TENM2: variants seen among roughly 807,000 people sequenced by gnomAD.
The protein encoded by TENM2 is teneurin-2.
TENM2 carries 52 observed loss-of-function variants against 245.2 expected under a neutral mutation model. That is an observed-to-expected ratio of 0.21 (90% CI 0.17 to 0.27). The LOEUF (loss-of-function observed/expected upper bound fraction) is 0.27, where lower values mean the gene tolerates loss of function less well. Ranked by LOEUF, TENM2 falls within the 10% of genes least tolerant of loss-of-function variation. The pLI, the probability that TENM2 is intolerant of heterozygous loss-of-function variation, is 1.00. For missense variants in TENM2, 3,046 were observed against 3,666.8 expected, an observed-to-expected ratio of 0.83 and a Z score of 4.37; for synonymous variants, 1,363 against 1,438.9, an observed-to-expected ratio of 0.95 and a Z score of 1.19.
chr5:167,993,204 C>A, intron 5 of TENM2, 22 bp downstream of exon 7: 1 of 1,591,222 alleles, frequency 6.3e-7, no homozygotes, highest in Non-Finnish European at 8.6e-7. Flanking sequence ...CAGCCTTATT[C>A]AGCAACGCTG....
the TENM2 span, among the ~76,000 whole-genome samples, chr5:167,150,685 T>C: frequency 6.6e-6 from 1 of 152,210 alleles, no homozygotes; most frequent in South Asian, 2.1e-4. Flanking sequence ...TGTCCAAGGT[T>C]CTACATCTTA....
chr5:167,802,503 C>A (rs1204020201), intron 2 of TENM2, among the ~76,000 whole-genome samples: 1 of 152,132 alleles, frequency 6.6e-6, no homozygotes, highest in Non-Finnish European at 1.5e-5. Context: ...GGTCACATTT[C>A]TAAATAATGT....
intron 2 of TENM2, among the ~76,000 whole-genome samples, chr5:167,410,329 C>T (rs1335549201): frequency 6.6e-6 from 1 of 152,026 alleles, no homozygotes. Context: ...CCTTATCTTT[C>T]AAAATATGGT....
chr5:168,090,088 A>T (rs1792792902), intron 7 of TENM2, among the ~76,000 whole-genome samples: 1 of 152,062 alleles, frequency 6.6e-6, no homozygotes, highest in African/African-American at 2.4e-5. Context: ...CCTTATCTGA[A>T]ACTCTCAGGA....
intron 2 of TENM2, among the ~76,000 whole-genome samples, chr5:167,441,820 A>G (rs1764896670): frequency 6.6e-6 from 1 of 152,166 alleles, no homozygotes; most frequent in Non-Finnish European, 1.5e-5. Flanking sequence ...GATGATGGGT[A>G]AGGCAGTGTA....
At chr5:167,110,678 C>T in the TENM2 span, among the ~76,000 whole-genome samples, 11 of 152,324 alleles carry the variant, frequency 7.2e-5, no homozygotes, top group South Asian at 2.1e-3. Flanking sequence ...CCAGCTTCAT[C>T]GCCTTGGACA....
the TENM2 span, among the ~76,000 whole-genome samples, chr5:167,041,319 T>A: frequency 1.3e-5 from 2 of 152,182 alleles, no homozygotes; most frequent in Non-Finnish European, 2.9e-5. Flanking sequence ...AGGCCGTAAT[T>A]TACGCAACCA....
At chr5:168,076,827 G>A (rs1791518300) in intron 7 of TENM2, among the ~76,000 whole-genome samples, 1 of 152,212 alleles carries the variant, frequency 6.6e-6, no homozygotes, top group Non-Finnish European at 1.5e-5. Context: ...GGGCTCCCCT[G>A]CCCATCAGAG....
In TENM2 at chr5:167,329,551, C is replaced by CAAAAAAAAA. The variant is rs34165505; in HGVS notation, c.226+44509_226+44517dup. ...TGTGTGACAGGGCCAGACTCAGTCT[C>CAAAAAAAAA]AAAAAAAAAAAAAAAAAAAAAAAAA... is the stretch of plus-strand genomic sequence containing the variant. On this transcript the variant is annotated intron_variant, in intron 1 of 28. Transcript: ENST00000518659. 3.6e-4 allele frequency among the ~76,000 whole-genome samples: 8 copies of CAAAAAAAAA among 21,944 alleles called. 1 individual carries two copies. The highest frequency in any genetic ancestry group is 4.7e-4 in the Non-Finnish European group (6 of 12,750). The allele number at this position is 21,944 out of a possible 152,430, so 14.4% of individuals were successfully genotyped here. A position where few individuals can be genotyped will look rare whatever the true frequency, so the allele number is the denominator to read the frequency against.
At chr5:168,009,815 G>C (rs572476190) in intron 5 of TENM2, among the ~76,000 whole-genome samples, 16 of 152,322 alleles carry the variant, frequency 1.1e-4, no homozygotes, top group Admixed American at 7.2e-4. Context: ...TTCTGCTGCA[G>C]AGTGGCAGGA....
chr5:167,288,189 C>T (rs1356994632), intron 1 of TENM2, among the ~76,000 whole-genome samples: 1 of 152,174 alleles, frequency 6.6e-6, no homozygotes, highest in Non-Finnish European at 1.5e-5. Flanking sequence ...CTCTGCTCTG[C>T]ATTCTGTGTT....
At chr5:167,536,286 TA>T (rs375058324) in intron 2 of TENM2, among the ~76,000 whole-genome samples, 3 of 150,108 alleles carry the variant, frequency 2.0e-5, no homozygotes, top group East Asian at 3.9e-4. Context: ...AGGAAAACTC[TA>T]AAAAAAAAGA....
At chr5:167,990,912 G>C (rs1171351564) in intron 4 of TENM2, among the ~76,000 whole-genome samples, 1 of 152,190 alleles carries the variant, frequency 6.6e-6, no homozygotes, top group Non-Finnish European at 1.5e-5. Context: ...AGCCCACTGG[G>C]AAAGCCTGCT....
At chr5:167,350,646 G>A (rs111208024) in intron 1 of TENM2, among the ~76,000 whole-genome samples, 21,639 of 119,362 alleles carry the variant, frequency 0.18, 3,188 homozygotes, top group Admixed American at 0.33. Flanking sequence ...TATGGGATAC[G>A]TATATGGATA....
chr5:167,003,990 G>A, the TENM2 span, among the ~76,000 whole-genome samples: 20 of 152,128 alleles, frequency 1.3e-4, no homozygotes, highest in African/African-American at 4.1e-4. Flanking sequence ...CCATGATTCC[G>A]AGTCAATTCC....
At chr5:167,255,917 C>A in the TENM2 span, among the ~76,000 whole-genome samples, 1 of 151,470 alleles carries the variant, frequency 6.6e-6, no homozygotes, top group Non-Finnish European at 1.5e-5. Flanking sequence ...ATTTTTTTTT[C>A]CTCTCCAGAA....
intron 2 of TENM2, among the ~76,000 whole-genome samples, chr5:167,725,485 C>T (rs1052199111): frequency 3.9e-5 from 6 of 152,328 alleles, no homozygotes; most frequent in African/African-American, 1.4e-4. Flanking sequence ...CGTGCTGCCT[C>T]TCATGCTAAA....
rs751563766 is a variant in TENM2, at chr5:167,431,947, ATG to A, written c.502+56476_502+56477del. Among the ~76,000 whole-genome samples, 447 of 134,478 alleles carry A rather than the reference ATG, an allele frequency of 3.3e-3. 4 individuals carry two copies. The highest frequency in any genetic ancestry group is 4.7e-3 in the Non-Finnish European group (308 of 65,426). 88.2% of individuals were successfully genotyped at this position (134,478 alleles called of 152,430 possible). A position where few individuals can be genotyped will look rare whatever the true frequency, so the allele number is the denominator to read the frequency against. The stretch of plus-strand genomic sequence containing the variant: ...TATATACATATATATATACATATAT[ATG>A]TATATATATATGTATATATATATAT... On this transcript the variant is annotated intron_variant, in intron 2 of 28. Coordinates refer to ENST00000518659, the Ensembl canonical transcript of TENM2.
chr5:167,168,599 G>A, the TENM2 span, among the ~76,000 whole-genome samples: 1 of 152,108 alleles, frequency 6.6e-6, no homozygotes, highest in African/African-American at 2.4e-5. Context: ...TTTCCATAAG[G>A]CTTTGTGCGT....
Sources: allele counts gnomAD v4.1 joint callset (sites outside exome capture counted in the v4.1 genomes callset), GRCh38; gene constraint gnomAD v4.1.1; transcripts MANE v1.5; gene names NCBI Gene and HGNC (gene_info 2026-07-23, HGNC 2026-07-21).